GPR161: variants seen among roughly 807,000 people sequenced by gnomAD.
The protein encoded by GPR161 is G protein-coupled receptor 161.
A neutral mutation model predicts 39.2 loss-of-function variants in GPR161; 25 were observed. The ratio of observed to expected loss-of-function variants is 0.64; its 90% confidence interval spans 0.47 to 0.89. The LOEUF (loss-of-function observed/expected upper bound fraction) is 0.89. GPR161 is among the 40% of genes least tolerant of loss of function. GPR161 has a pLI of 0.00. For missense variants in GPR161, 547 were observed against 677.8 expected, an observed-to-expected ratio of 0.81 and a Z score of 2.14; for synonymous variants, 286 against 276.6, an observed-to-expected ratio of 1.03 and a Z score of -0.34.
At chr1:168,108,502 A>AAAAAAAAAAAAC (rs1558117095) in intron 1 of GPR161, among the ~76,000 whole-genome samples, 8 of 147,728 alleles carry the variant, frequency 5.4e-5, no homozygotes, top group Non-Finnish European at 1.0e-4. Context: ...AAAAAAAAAA[A>AAAAAAAAAAAAC]AAAAAAAAAA....
Position 168,087,655 on chromosome 1 carries a change from G to A in GPR161, c.1254C>T (p.Pro418=), listed in dbSNP as rs760110850. 3.7e-5 allele frequency: 59 copies of A among 1,613,758 alleles called. No homozygotes were observed. The highest frequency in any genetic ancestry group is 4.4e-5 in the Non-Finnish European group (52 of 1,179,778). Residue 418 remains proline, a synonymous_variant, in exon 5 of 6, where the codon CCC becomes CCT. Coordinates refer to ENST00000682931, the MANE Select transcript of GPR161 (RefSeq NM_001375883.1). ...TCTTGGGTGGGCAAGTGCAGTGAGA[G>A]GGAGGGTTGTCATCAGACGTGTAGT... ...LEDYTSDDNP[P]SHCTCPPKRR... is the part of the protein sequence containing the mutation.
At chr1:168,097,624 C>A (rs1041951643) in intron 2 of GPR161, among the ~76,000 whole-genome samples, 2 of 152,138 alleles carry the variant, frequency 1.3e-5, no homozygotes, top group Non-Finnish European at 2.9e-5. Context: ...TCATTAAGAA[C>A]CAGAATGATG....
intron 1 of GPR161, 180 bp downstream of exon 1, chr1:168,136,559 G>A: frequency 1.6e-6 from 2 of 1,256,684 alleles, no homozygotes; most frequent in Non-Finnish European, 1.0e-6. Flanking sequence ...GGCGCAGTGC[G>A]GGCGGAGGAC....
chr1:168,109,146 CA>C (rs1348067096), intron 1 of GPR161, among the ~76,000 whole-genome samples: 1 of 151,948 alleles, frequency 6.6e-6, no homozygotes, highest in Non-Finnish European at 1.5e-5. Flanking sequence ...AAGCACTTCA[CA>C]AGGTATAATG....
rs768622853 is a variant in GPR161 at position 168,085,003 on chromosome 1, A to AG, written c.*527dup. 2.2e-5 allele frequency: 10 copies of AG among 456,314 alleles called. No homozygotes were observed. The highest frequency in any genetic ancestry group is 1.4e-4 in the South Asian group (9 of 64,562). The allele number at this position is 456,314 out of a possible 1,614,324, so 28.3% of individuals were successfully genotyped here. On this transcript the variant is annotated 3_prime_UTR_variant, in exon 6 of 6. Coordinates refer to ENST00000682931, the MANE Select transcript of GPR161 (RefSeq NM_001375883.1). ...TCTCTGCGGACCAGTCCTAGAACTG[A>AG]GGGTCCCACACTGCCCGCATCAACC...
chr1:168,129,797 T>C (rs1188543519), intron 1 of GPR161, among the ~76,000 whole-genome samples: 1 of 152,224 alleles, frequency 6.6e-6, no homozygotes, highest in Non-Finnish European at 1.5e-5. Context: ...GCCATCACTA[T>C]ACCTCTGCCC....
chr1:168,113,665 G>A (rs1558123724), intron 1 of GPR161, among the ~76,000 whole-genome samples: 1 of 152,188 alleles, frequency 6.6e-6, no homozygotes, highest in Non-Finnish European at 1.5e-5. Flanking sequence ...AAAAAAGAAC[G>A]AGATCATACT....
At chr1:168,137,021 C>CCCCCA, upstream of GPR161, 2 of 835,876 alleles carry the variant, frequency 2.4e-6, no homozygotes, top group Non-Finnish European at 2.9e-6. Context: ...CCCCGCGCCC[C>CCCCCA]GCACTGCCCC....
At chr1:168,108,162 G>C (rs1460737522) in intron 1 of GPR161, among the ~76,000 whole-genome samples, 1 of 152,130 alleles carries the variant, frequency 6.6e-6, no homozygotes, top group East Asian at 1.9e-4. Context: ...GGAGCCAAGA[G>C]AGGAAAGGAG....
chr1:168,090,874 T>C (rs1694996801), intron 3 of GPR161, among the ~76,000 whole-genome samples: 1 of 152,000 alleles, frequency 6.6e-6, no homozygotes, highest in African/African-American at 2.4e-5. Flanking sequence ...CTCACTGGGT[T>C]CCCCCAAAGG....
rs1432956204 is a variant in GPR161 at position 168,082,727 on chromosome 1, C to T, written c.*2804G>A. The stretch of plus-strand genomic sequence containing the variant: ...TCCCATGTGCCACTGTCCATGTGGT[C>T]CCATCAGGAAGGCTGCAGGCCTGCC... On this transcript the variant is annotated 3_prime_UTR_variant, in exon 6 of 6. Transcript: ENST00000682931. The T allele has an allele frequency of 6.6e-6, 1 of 152,190 alleles. No individual in the cohort carries two copies. The highest frequency in any genetic ancestry group is 2.4e-5 in the African/African-American group (1 of 41,396). The allele number at this position is 152,190 out of a possible 1,614,324, so 9.4% of individuals were successfully genotyped here.
chr1:168,124,755 G>A (rs962884372), intron 1 of GPR161, among the ~76,000 whole-genome samples: 1 of 152,204 alleles, frequency 6.6e-6, no homozygotes, highest in African/African-American at 2.4e-5. Context: ...AGAGGTGTCT[G>A]GGTCATGGGG....
intron 1 of GPR161, among the ~76,000 whole-genome samples, chr1:168,115,987 C>T (rs1270901199): frequency 1.3e-5 from 2 of 152,142 alleles, no homozygotes; most frequent in Non-Finnish European, 2.9e-5. Context: ...CTGTGTTAGC[C>T]AGGATGGTCT....
At chr1:168,135,084 G>A (rs939130741) in intron 1 of GPR161, 3 of 1,458,948 alleles carry the variant, frequency 2.1e-6, no homozygotes, top group Non-Finnish European at 2.7e-6. Flanking sequence ...CCTTGGATTA[G>A]TTCCAAAATG....
rs919696155 is a variant in GPR161, at chr1:168,087,640, G to A, written c.1269C>T (p.Cys423=). Residue 423 remains cysteine (C), a synonymous_variant, in exon 5 of 6, where the codon TGC becomes TGT. Coordinates refer to ENST00000682931, the MANE Select transcript of GPR161 (RefSeq NM_001375883.1). ...SDDNPPSHCT[C]PPKRRSSVTF... ...TCACCGAGCTCCTTCTCTTGGGTGG[G>A]CAAGTGCAGTGAGAGGGAGGGTTGT... The A allele has an allele frequency of 6.2e-7, 1 of 1,613,996 alleles. No homozygotes were observed. The highest frequency in any genetic ancestry group is 2.2e-5 in the East Asian group (1 of 44,890).
intron 1 of GPR161, among the ~76,000 whole-genome samples, chr1:168,115,592 T>A (rs1697552570): frequency 6.6e-6 from 1 of 151,834 alleles, no homozygotes; most frequent in Non-Finnish European, 1.5e-5. Flanking sequence ...ACCTCCCCCA[T>A]CTCCACAATA....
intron 1 of GPR161, among the ~76,000 whole-genome samples, chr1:168,110,256 C>A (rs1197097978): frequency 6.6e-6 from 1 of 151,994 alleles, no homozygotes; most frequent in Non-Finnish European, 1.5e-5. Flanking sequence ...GTAACCCCAA[C>A]ACTCTGGGAG....
At chr1:168,133,526 G>T (rs1016374690) in intron 1 of GPR161, among the ~76,000 whole-genome samples, 8 of 152,194 alleles carry the variant, frequency 5.3e-5, no homozygotes, top group Non-Finnish European at 1.2e-4. Context: ...TTATTAAAAA[G>T]AATGAAGTAC....
chr1:168,136,125 C>T lies in GPR161; in HGVS notation c.-45+614G>A, dbSNP rs2102278779. ...TCCCCTTTCCAAGAACCAGCCGAAT[C>T]TCCCTCCCGCAGATCTGAGGGGCAG... On this transcript the variant is annotated intron_variant, in intron 1 of 5. Coordinates refer to ENST00000682931, the MANE Select transcript of GPR161 (RefSeq NM_001375883.1). 2.4e-6 allele frequency: 3 copies of T among 1,260,366 alleles called. No individual in the cohort carries two copies. The East Asian group carries it at 9.5e-5, about 40-fold the overall frequency. The allele number at this position is 1,260,366 out of a possible 1,614,324, so 78.1% of individuals were successfully genotyped here. A position where few individuals can be genotyped will look rare whatever the true frequency, so the allele number is the denominator to read the frequency against.
Sources: gnomAD v4.1 joint callset for allele counts (sites outside exome capture counted in the v4.1 genomes callset) on GRCh38, gnomAD v4.1.1 for gene constraint, MANE v1.5 for transcripts, NCBI Gene and HGNC (gene_info 2026-07-23, HGNC 2026-07-21) for gene names.